KCNMA1: variants seen among roughly 807,000 people sequenced by gnomAD.
KCNMA1 encodes Calcium-activated potassium channel subunit alpha-1.
Under a neutral mutation model 140.0 loss-of-function variants are expected in KCNMA1, and 29 were observed. That is an observed-to-expected ratio of 0.21 (90% CI 0.15 to 0.28). KCNMA1 has a LOEUF of 0.28. Ranked by LOEUF, KCNMA1 falls within the 10% of genes least tolerant of loss-of-function variation. KCNMA1 has a pLI of 1.00. For synonymous variants in KCNMA1, 612 were observed against 611.9 expected (o/e 1.00, Z 0.00); for missense variants, 880 against 1,602.2 (o/e 0.55, Z 7.70).
intron 1 of KCNMA1, among the ~76,000 whole-genome samples, chr10:77,598,322 T>G (rs2154565927): frequency 6.6e-6 from 1 of 152,176 alleles, no homozygotes; most frequent in African/African-American, 2.4e-5. Context: ...AGGGCAAGGG[T>G]TTTTCCCTGT....
intron 3 of KCNMA1, among the ~76,000 whole-genome samples, chr10:77,209,658 A>T (rs1459376387): frequency 6.6e-6 from 1 of 152,152 alleles, no homozygotes; most frequent in Admixed American, 6.6e-5. Flanking sequence ...AATGCTAGAC[A>T]GCTGGCCAGA....
At chr10:77,010,827 T>C (rs1284382488) in intron 18 of KCNMA1, among the ~76,000 whole-genome samples, 1 of 151,740 alleles carries the variant, frequency 6.6e-6, no homozygotes, top group Non-Finnish European at 1.5e-5. Flanking sequence ...TGAACAAGGA[T>C]TTTATGGGGT....
At chr10:76,891,766 C>T (rs200228912) in intron 25 of KCNMA1, 47 bp from the exon 26 acceptor site, 13 of 1,505,210 alleles carry the variant, frequency 8.6e-6, no homozygotes, top group South Asian at 3.4e-5. Context: ...AGCAAACACC[C>T]TAAAGTCATG....
At chr10:77,294,411 C>T (rs1015251116) in intron 2 of KCNMA1, among the ~76,000 whole-genome samples, 2 of 152,148 alleles carry the variant, frequency 1.3e-5, no homozygotes, top group East Asian at 3.9e-4. Flanking sequence ...TTTGACCAGG[C>T]CCAGGTGCCA....
chr10:77,060,920 C>T (rs563580013), intron 14 of KCNMA1, among the ~76,000 whole-genome samples: 1 of 152,184 alleles, frequency 6.6e-6, no homozygotes, highest in East Asian at 1.9e-4. Flanking sequence ...AACAGATTCT[C>T]CTCTAGAGCC....
chr10:77,361,847 C>T (rs1284888700), intron 2 of KCNMA1, among the ~76,000 whole-genome samples: 2 of 152,220 alleles, frequency 1.3e-5, no homozygotes, highest in Non-Finnish European at 2.9e-5. Context: ...CCTTAAAAAG[C>T]GGGAACGAAA....
At chr10:77,449,163 T>C (rs2097582062) in intron 1 of KCNMA1, among the ~76,000 whole-genome samples, 1 of 151,404 alleles carries the variant, frequency 6.6e-6, no homozygotes, top group Admixed American at 6.6e-5. Context: ...TCTGGAAACC[T>C]ATCCTGAAAA....
intron 7 of KCNMA1, 117 bp downstream of exon 7, chr10:77,112,250 C>T: frequency 1.3e-6 from 1 of 767,046 alleles, no homozygotes; most frequent in Admixed American, 2.0e-5. Flanking sequence ...TCCCATCTTC[C>T]TGTCTACAAC....
intron 9 of KCNMA1, among the ~76,000 whole-genome samples, chr10:77,100,849 G>A (rs1002868135): frequency 4.6e-5 from 7 of 152,096 alleles, no homozygotes; most frequent in African/African-American, 1.7e-4. Context: ...AATCATATTC[G>A]AATTATTTTT....
intron 2 of KCNMA1, among the ~76,000 whole-genome samples, chr10:77,300,741 C>T (rs1163434925): frequency 6.6e-6 from 1 of 152,172 alleles, no homozygotes; most frequent in Non-Finnish European, 1.5e-5. Context: ...GCAGCATAGT[C>T]TCTACCAGCA....
chr10:76,940,538 G>T (rs998213027), intron 23 of KCNMA1, among the ~76,000 whole-genome samples: 1 of 152,176 alleles, frequency 6.6e-6, no homozygotes, highest in African/African-American at 2.4e-5. Context: ...ACCCAGTGAG[G>T]TTCTAGAGAC....
intron 2 of KCNMA1, among the ~76,000 whole-genome samples, chr10:77,375,826 C>T (rs909905726): frequency 6.6e-6 from 1 of 152,240 alleles, no homozygotes; most frequent in Non-Finnish European, 1.5e-5. Context: ...GTCAGCCCAT[C>T]CCAGCACTCA....
At chr10:77,614,283 G>A (rs1321250987) in intron 1 of KCNMA1, among the ~76,000 whole-genome samples, 6 of 152,158 alleles carry the variant, frequency 3.9e-5, no homozygotes, top group Admixed American at 3.9e-4. Flanking sequence ...TCTACCAAAT[G>A]CCCACCAGAG....
chr10:77,007,534 T>C (rs931842345), intron 18 of KCNMA1, among the ~76,000 whole-genome samples: 2 of 151,804 alleles, frequency 1.3e-5, no homozygotes, highest in Admixed American at 6.6e-5. Flanking sequence ...CAGAGAAGCA[T>C]GTACTGCAAT....
chr10:77,140,001 T>A (rs1238919616), intron 5 of KCNMA1, among the ~76,000 whole-genome samples: 1 of 152,260 alleles, frequency 6.6e-6, no homozygotes. Flanking sequence ...TTACATCGTT[T>A]GCCAAACTTT....
intron 5 of KCNMA1, among the ~76,000 whole-genome samples, chr10:77,157,189 C>T (rs1159344005): frequency 1.3e-5 from 2 of 152,086 alleles, no homozygotes; most frequent in African/African-American, 2.4e-5. Context: ...TGCCTATAAC[C>T]CCAGCACTAT....
intron 1 of KCNMA1, among the ~76,000 whole-genome samples, chr10:77,505,314 T>G (rs2045430962): frequency 6.6e-6 from 1 of 152,268 alleles, no homozygotes; most frequent in Non-Finnish European, 1.5e-5. Context: ...TCTTCATTTA[T>G]TCATCCAACA....
intron 1 of KCNMA1, among the ~76,000 whole-genome samples, chr10:77,497,750 TCTC>T (rs1292679526): frequency 3.3e-5 from 5 of 152,204 alleles, no homozygotes; most frequent in Non-Finnish European, 7.3e-5. Flanking sequence ...CCAGTCCTCT[TCTC>T]CTAGGACTTT....
intron 27 of KCNMA1, among the ~76,000 whole-genome samples, chr10:76,888,535 A>G (rs2038356220): frequency 1.3e-5 from 2 of 152,174 alleles, no homozygotes; most frequent in South Asian, 4.1e-4. Context: ...TGCCTAGGGT[A>G]TATTATGCAA....
Sources: allele counts gnomAD v4.1 joint callset (sites outside exome capture counted in the v4.1 genomes callset), GRCh38; gene constraint gnomAD v4.1.1; transcripts MANE v1.5; gene names NCBI Gene and HGNC (gene_info 2026-07-23, HGNC 2026-07-21).